The following GALNTL6 variants were observed in gnomAD, a reference collection of about 807,000 sequenced individuals.
GALNTL6 encodes polypeptide N-acetylgalactosaminyltransferase like 6.
Under a neutral mutation model 73.7 loss-of-function variants are expected in GALNTL6, and 46 were observed. The observed-to-expected ratio is 0.62, with a 90% CI of 0.49 to 0.80. The LOEUF (loss-of-function observed/expected upper bound fraction) is 0.80, where lower values mean the gene tolerates loss of function less well. GALNTL6 is among the 30% of genes least tolerant of loss of function. The pLI is 0.00. For missense variants in GALNTL6, 604 were observed against 755.0 expected, an observed-to-expected ratio of 0.80 and a Z score of 2.34; for synonymous variants, 259 against 263.7, an observed-to-expected ratio of 0.98 and a Z score of 0.17.
At chr4:172,703,421 CA>C (rs1238054513) in intron 5 of GALNTL6, among the ~76,000 whole-genome samples, 1 of 151,898 alleles carries the variant, frequency 6.6e-6, no homozygotes, top group African/African-American at 2.4e-5. Flanking sequence ...TGAACTTTAT[CA>C]ATGTGTTTTC....
chr4:172,620,021 T>A (rs923002156), intron 5 of GALNTL6, among the ~76,000 whole-genome samples: 1 of 152,210 alleles, frequency 6.6e-6, no homozygotes, highest in Non-Finnish European at 1.5e-5. Flanking sequence ...TTCCTTTCAT[T>A]ATGACATGCA....
intron 2 of GALNTL6, among the ~76,000 whole-genome samples, chr4:171,962,132 G>A (rs1382639854): frequency 3.3e-5 from 5 of 152,068 alleles, no homozygotes; most frequent in African/African-American, 4.8e-5. Flanking sequence ...GAATATCATC[G>A]CCCCTATCCA....
chr4:172,177,789 G>T (rs1441208057), intron 2 of GALNTL6, among the ~76,000 whole-genome samples: 5 of 136,792 alleles, frequency 3.7e-5, no homozygotes, highest in Non-Finnish European at 6.1e-5. Flanking sequence ...ATACACATGT[G>T]TATATATATA....
intron 2 of GALNTL6, among the ~76,000 whole-genome samples, chr4:172,026,238 T>G (rs2110811073): frequency 6.6e-6 from 1 of 152,174 alleles, no homozygotes; most frequent in Middle Eastern, 3.4e-3. Flanking sequence ...AGGTATTTCA[T>G]ATTTTTATGC....
At chr4:172,628,134 A>T (rs1238727480) in intron 5 of GALNTL6, among the ~76,000 whole-genome samples, 14 of 151,988 alleles carry the variant, frequency 9.2e-5, no homozygotes, top group Non-Finnish European at 1.9e-4. Context: ...TATATTTCTT[A>T]TATTGTCTGA....
At position 172,754,222 on chromosome 4, in the gene GALNTL6, T is replaced by C. The variant is rs550285632; in HGVS notation, c.554-55139T>C. On this transcript the variant is annotated intron_variant, in intron 5 of 12. Transcript: ENST00000506823. ...ACTGTGAATCTTCCTTTTCTATTAATGTAAGTAGTATACACACATACATAC... is the reference window on the plus strand; with the variant it reads ...ACTGTGAATCTTCCTTTTCTATTAACGTAAGTAGTATACACACATACATAC... Among the ~76,000 whole-genome samples, 74 of 152,312 alleles carry C rather than the reference T, an allele frequency of 4.9e-4. 1 individual carries two copies. The highest frequency in any genetic ancestry group is 9.0e-4 in the Non-Finnish European group (61 of 68,034).
At chr4:173,034,218 T>C (rs1267281798) in intron 12 of GALNTL6, among the ~76,000 whole-genome samples, 1 of 152,190 alleles carries the variant, frequency 6.6e-6, no homozygotes, top group Non-Finnish European at 1.5e-5. Flanking sequence ...ATCTGAATCA[T>C]TGCGGTAGCC....
intron 8 of GALNTL6, among the ~76,000 whole-genome samples, chr4:172,911,590 C>G (rs1252570503): frequency 3.3e-5 from 5 of 152,212 alleles, no homozygotes; most frequent in Admixed American, 6.5e-5. Context: ...TTTAGTTCAA[C>G]ATGCCCAGAA....
At chr4:172,608,206 A>C (rs1206888593) in intron 5 of GALNTL6, among the ~76,000 whole-genome samples, 1 of 152,012 alleles carries the variant, frequency 6.6e-6, no homozygotes, top group Admixed American at 6.6e-5. Flanking sequence ...CTCTTTTCCA[A>C]GGCTTATGTC....
chr4:172,983,709 T>C (rs1258179679), intron 10 of GALNTL6, among the ~76,000 whole-genome samples: 2 of 152,008 alleles, frequency 1.3e-5, no homozygotes, highest in Non-Finnish European at 2.9e-5. Flanking sequence ...AAAATATATA[T>C]ATATGAATAA....
rs114099788 is a variant in GALNTL6 at position 172,884,654 on chromosome 4, C to G, written c.1041+1747C>G. On this transcript the variant is annotated intron_variant, in intron 8 of 12. Coordinates refer to ENST00000506823, the MANE Select transcript of GALNTL6 (RefSeq NM_001034845.3). Reference sequence around the variant, plus strand: ...AAATTTGTCTATTTTTGCTTTTGTTCCATGTGCTTTTGAGATCTTAGCCAA... The same window carrying G: ...AAATTTGTCTATTTTTGCTTTTGTTGCATGTGCTTTTGAGATCTTAGCCAA... Among the ~76,000 whole-genome samples the G allele has an allele frequency of 5.8e-3, 881 of 152,170 alleles. 7 individuals carry two copies. Among genetic ancestry groups the G allele is most frequent in the African/African-American group, 0.02 (826 of 41,554 alleles).
At chr4:172,940,079 T>C (rs1748837222) in intron 9 of GALNTL6, among the ~76,000 whole-genome samples, 1 of 152,078 alleles carries the variant, frequency 6.6e-6, no homozygotes, top group Non-Finnish European at 1.5e-5. Flanking sequence ...AATAGCAAAT[T>C]GCTGGCAGGT....
chr4:172,521,491 C>A (rs546549995), intron 5 of GALNTL6, among the ~76,000 whole-genome samples: 1 of 152,230 alleles, frequency 6.6e-6, no homozygotes, highest in East Asian at 1.9e-4. Context: ...TGTGGACTGC[C>A]AATTACGAAG....
chr4:173,008,895 G>A (rs1400489356), intron 10 of GALNTL6, among the ~76,000 whole-genome samples: 1 of 152,210 alleles, frequency 6.6e-6, no homozygotes, highest in African/African-American at 2.4e-5. Context: ...TAGTGCTACA[G>A]ACTTTCAGTT....
At chr4:172,456,581 C>A (rs147314918) in intron 5 of GALNTL6, among the ~76,000 whole-genome samples, 1 of 151,426 alleles carries the variant, frequency 6.6e-6, no homozygotes, top group Non-Finnish European at 1.5e-5. Context: ...CCAAATCGAT[C>A]AAGCAGAAGA....
intron 2 of GALNTL6, chr4:171,815,158 A>G (rs1734492179): frequency 5.1e-6 from 1 of 196,634 alleles, no homozygotes; most frequent in African/African-American, 2.3e-5. Context: ...TTCTTTAAAA[A>G]TCAAGCTATG....
intron 2 of GALNTL6, among the ~76,000 whole-genome samples, chr4:172,159,237 A>G (rs780373698): frequency 4.6e-5 from 7 of 152,150 alleles, no homozygotes; most frequent in Admixed American, 1.3e-4. Context: ...TTTTCACTGA[A>G]CAACTGGTAC....
intron 5 of GALNTL6, among the ~76,000 whole-genome samples, chr4:172,664,219 A>G (rs1731537780): frequency 6.6e-6 from 1 of 152,134 alleles, no homozygotes; most frequent in Admixed American, 6.5e-5. Flanking sequence ...TCTTGACTCC[A>G]TCCTCTAAGA....
intron 5 of GALNTL6, among the ~76,000 whole-genome samples, chr4:172,400,032 A>G (rs1450057668): frequency 1.3e-5 from 2 of 152,166 alleles, no homozygotes; most frequent in Non-Finnish European, 2.9e-5. Flanking sequence ...TCAAATTTAT[A>G]ACAGCCAAAA....
Sources: allele counts gnomAD v4.1 joint callset (sites outside exome capture counted in the v4.1 genomes callset), GRCh38; gene constraint gnomAD v4.1.1; transcripts MANE v1.5; gene names NCBI Gene and HGNC (gene_info 2026-07-23, HGNC 2026-07-21).